SNX3: variants seen among roughly 807,000 people sequenced by gnomAD.
SNX3 encodes sorting nexin 3, also known as sorting nexin-3.
In SNX3, 5 loss-of-function variants were observed where a neutral mutation model predicts 17.7. That is an observed-to-expected ratio of 0.28 (90% CI 0.15 to 0.59). SNX3 has a LOEUF of 0.59. SNX3 is among the 20% of genes least tolerant of loss of function. The pLI, the probability that SNX3 is intolerant of heterozygous loss-of-function variation, is 0.88. For missense variants in SNX3, 132 were observed against 206.8 expected, an observed-to-expected ratio of 0.64 and a Z score of 2.22; for synonymous variants, 91 against 76.5, an observed-to-expected ratio of 1.19 and a Z score of -0.99.
chr6:108,260,898 G>A lies in SNX3; in HGVS notation c.24C>T (p.Thr8=). The A allele has an allele frequency of 1.2e-6, 2 of 1,608,418 alleles. No homozygotes were observed. Among genetic ancestry groups the A allele is most frequent in the Non-Finnish European group, 1.7e-6 (2 of 1,177,232 alleles). Residue 8 remains threonine (T), a synonymous_variant, in exon 1 of 4, where the codon ACC becomes ACT. Transcript: ENST00000230085. MAETVAD[T]RRLITKPQNL... Reference sequence around the variant, plus strand: ...TCTGCGGCTTGGTGATCAGCCGCCGGGTGTCAGCCACGGTCTCCGCCATTT... The same window carrying A: ...TCTGCGGCTTGGTGATCAGCCGCCGAGTGTCAGCCACGGTCTCCGCCATTT...
chr6:108,249,541 T>A (rs1011121531), intron 1 of SNX3, among the ~76,000 whole-genome samples: 1 of 152,246 alleles, frequency 6.6e-6, no homozygotes, highest in Non-Finnish European at 1.5e-5. Context: ...GGCACTGGTT[T>A]GCTGACCGAC....
At chr6:108,252,087 C>CAAAAAAAAAAAAAAAAAAA (rs777979859) in intron 1 of SNX3, 2 of 129,116 alleles carry the variant, frequency 1.5e-5, no homozygotes, top group African/African-American at 5.9e-5. Flanking sequence ...ATAAATAAAA[C>CAAAAAAAAAAAAAAAAAAA]AAACAAACAA....
At chr6:108,254,002 C>T (rs369474435) in intron 1 of SNX3, among the ~76,000 whole-genome samples, 7 of 151,972 alleles carry the variant, frequency 4.6e-5, no homozygotes, top group African/African-American at 1.7e-4. Context: ...TGGCAGGCAC[C>T]TGTAGTCCCA....
chr6:108,245,761 T>C lies in SNX3; in HGVS notation c.162+14999A>G, dbSNP rs527409424. Among the ~76,000 whole-genome samples the C allele has an allele frequency of 3.9e-5, 6 of 152,380 alleles. No individual in the cohort carries two copies. The South Asian group carries it at 1.2e-3, about 32-fold the overall frequency. ...CGCATAAATGTCTTCTTTTGAGAAG[T>C]GTCTGTTCATATCCTTTGCCCACTT... On this transcript the variant is annotated intron_variant, in intron 1 of 3. Transcript: ENST00000230085.
At chr6:108,259,942 T>A (rs1021712645) in intron 1 of SNX3, among the ~76,000 whole-genome samples, 1 of 152,376 alleles carries the variant, frequency 6.6e-6, no homozygotes, top group Admixed American at 6.5e-5. Context: ...AATCCTGAAT[T>A]ATAGAGTGAA....
Position 108,223,057 on chromosome 6 carries a change from A to C in SNX3, c.163-12T>G. 1 of 1,502,032 alleles carries C rather than the reference A, an allele frequency of 6.7e-7. No homozygotes were observed. Among genetic ancestry groups the C allele is most frequent in the Non-Finnish European group, 9.2e-7 (1 of 1,084,256 alleles). The allele number at this position is 1,502,032 out of a possible 1,614,324, so 93.0% of individuals were successfully genotyped here. ...ATAGGAAGATTTGTCTGAAACAAAA[A>C]AAGTTAGTCCTAAATTGAAGCACAT... On this transcript the variant is annotated splice_polypyrimidine_tract_variant and intron_variant, in intron 1 of 3. Coordinates refer to ENST00000230085, the MANE Select transcript of SNX3 (RefSeq NM_003795.6).
intron 1 of SNX3, among the ~76,000 whole-genome samples, chr6:108,228,988 G>A (rs1775055274): frequency 6.6e-6 from 1 of 152,062 alleles, no homozygotes; most frequent in African/African-American, 2.4e-5. Flanking sequence ...GGCTGGGTGC[G>A]GTGGCTTATG....
chr6:108,227,327 A>G (rs1775004846), intron 1 of SNX3, among the ~76,000 whole-genome samples: 1 of 152,204 alleles, frequency 6.6e-6, no homozygotes, highest in African/African-American at 2.4e-5. Flanking sequence ...AGCTTGCGAA[A>G]AGAGTCCCCT....
At chr6:108,251,680 T>A (rs1445881701) in intron 1 of SNX3, among the ~76,000 whole-genome samples, 2 of 152,170 alleles carry the variant, frequency 1.3e-5, no homozygotes, top group Non-Finnish European at 2.9e-5. Context: ...CAGCCCAAAC[T>A]CTATACTACC....
At chr6:108,222,759 A>G (rs979442752) in intron 2 of SNX3, among the ~76,000 whole-genome samples, 191 bp downstream of exon 2, 5 of 152,180 alleles carry the variant, frequency 3.3e-5, no homozygotes, top group Admixed American at 1.3e-4. Context: ...AACTGGGCCA[A>G]AGCAGACAAG....
chr6:108,235,188 C>T (rs1177241506), intron 1 of SNX3, among the ~76,000 whole-genome samples: 1 of 152,190 alleles, frequency 6.6e-6, no homozygotes, highest in African/African-American at 2.4e-5. Context: ...CCTCTTGGAA[C>T]ATTTGTTCAT....
chr6:108,218,460 C>T (rs112823662), intron 2 of SNX3, among the ~76,000 whole-genome samples: 153 of 152,294 alleles, frequency 1.0e-3, no homozygotes, highest in Non-Finnish European at 1.9e-3. Flanking sequence ...TTTGGAAAAA[C>T]GGTCTGCCAA....
chr6:108,258,158 C>T (rs1389117738), intron 1 of SNX3, among the ~76,000 whole-genome samples: 1 of 151,834 alleles, frequency 6.6e-6, no homozygotes, highest in Non-Finnish European at 1.5e-5. Flanking sequence ...ATTAATCGTT[C>T]TTAAAAAAGA....
intron 1 of SNX3, among the ~76,000 whole-genome samples, chr6:108,240,880 CGCCTATAATCCTAGCACTTTG>C (rs1023899212): frequency 1.3e-5 from 2 of 152,028 alleles, no homozygotes; most frequent in African/African-American, 4.8e-5. Context: ...CAGTGGCTCA[CGCCTATAATCCTAGCACTTTG>C]GGAGGCTGAG....
At chr6:108,216,778 T>C (rs1273119291) in intron 2 of SNX3, among the ~76,000 whole-genome samples, 1 of 152,090 alleles carries the variant, frequency 6.6e-6, no homozygotes, top group Admixed American at 6.6e-5. Flanking sequence ...CTCGACTTCA[T>C]ATAGATTAAC....
chr6:108,244,474 CATATTTATT>C (rs1775621511), intron 1 of SNX3, among the ~76,000 whole-genome samples: 1 of 151,916 alleles, frequency 6.6e-6, no homozygotes, highest in African/African-American at 2.4e-5. Flanking sequence ...TGTTTGTTTC[CATATTTATT>C]ACTGTGGTAA....
intron 1 of SNX3, among the ~76,000 whole-genome samples, chr6:108,257,627 C>T (rs1019639623): frequency 1.3e-5 from 2 of 152,164 alleles, no homozygotes; most frequent in Admixed American, 1.3e-4. Context: ...GCCTAATTTC[C>T]TTACTATATG....
chr6:108,224,069 C>T (rs1343961707), intron 1 of SNX3, among the ~76,000 whole-genome samples: 1 of 152,104 alleles, frequency 6.6e-6, no homozygotes, highest in Admixed American at 6.5e-5. Context: ...TTTCTTGGTG[C>T]TCATTCATCA....
At chr6:108,221,848 C>T (rs1774785218) in intron 2 of SNX3, among the ~76,000 whole-genome samples, 1 of 152,074 alleles carries the variant, frequency 6.6e-6, no homozygotes, top group Admixed American at 6.6e-5. Flanking sequence ...CCTGGCCCCT[C>T]TTTATTTAGG....
Sources: gnomAD v4.1 joint callset for allele counts (sites outside exome capture counted in the v4.1 genomes callset) on GRCh38, gnomAD v4.1.1 for gene constraint, MANE v1.5 for transcripts, NCBI Gene and HGNC (gene_info 2026-07-23, HGNC 2026-07-21) for gene names.